The following BAZ2B variants were observed in gnomAD, a reference collection of about 807,000 sequenced individuals.
BAZ2B encodes bromodomain adjacent to zinc finger domain protein 2B.
In BAZ2B, 91 loss-of-function variants were observed where a neutral mutation model predicts 246.0. That is an observed-to-expected ratio of 0.37 (90% CI 0.31 to 0.44). The LOEUF is 0.44. Among genes scored for constraint, BAZ2B ranks in the 20% least tolerant of loss-of-function variants. The pLI is 1.00. For missense variants in BAZ2B, 2,332 were observed against 2,533.7 expected (o/e 0.92, Z 1.71); for synonymous variants, 855 against 860.0 (o/e 0.99, Z 0.10).
At chr2:159,523,111 T>A (rs898230082) in intron 2 of BAZ2B, among the ~76,000 whole-genome samples, 7 of 151,706 alleles carry the variant, frequency 4.6e-5, no homozygotes, top group Admixed American at 2.6e-4. Flanking sequence ...TACAAAAAAA[T>A]AAAATAATTA....
In BAZ2B at chr2:159,337,021, G is replaced by GCTT; in HGVS notation, c.5714_5716dup (p.Glu1905dup). ...CAGAGCTACCTGTGCAGCACTGCGA[G>GCTT]CTTCTGATAATGCCCTTCTCCATAC... On this transcript the variant is annotated inframe_insertion, in exon 33 of 37. Coordinates refer to ENST00000392783, the MANE Select transcript of BAZ2B (RefSeq NM_013450.4). 1 of 1,611,968 alleles carries GCTT rather than the reference G, an allele frequency of 6.2e-7. No homozygotes were observed. The highest frequency in any genetic ancestry group is 8.5e-7 in the Non-Finnish European group (1 of 1,178,082).
intron 13 of BAZ2B, chr2:159,419,633 T>C (rs1284361267): frequency 1.3e-5 from 2 of 152,198 alleles, no homozygotes. Flanking sequence ...GATACAACTG[T>C]TTCCACAATG....
At chr2:159,338,968 C>T (rs375359275) in intron 31 of BAZ2B, among the ~76,000 whole-genome samples, 19 of 151,948 alleles carry the variant, frequency 1.3e-4, no homozygotes, top group East Asian at 1.2e-3. Context: ...ATGGTAGGAA[C>T]GACACTTTAT....
chr2:159,548,512 T>C (rs937661764), intron 2 of BAZ2B, among the ~76,000 whole-genome samples: 7 of 131,900 alleles, frequency 5.3e-5, no homozygotes, highest in African/African-American at 1.5e-4. Flanking sequence ...AATGTAATGA[T>C]ATATCTTTTA....
At chr2:159,487,691 C>A (rs1317001610) in intron 2 of BAZ2B, among the ~76,000 whole-genome samples, 1 of 151,910 alleles carries the variant, frequency 6.6e-6, no homozygotes, top group Non-Finnish European at 1.5e-5. Flanking sequence ...ATCCACTATT[C>A]CCTTTCCAAG....
At chr2:159,501,214 TTATA>T (rs1349163135) in intron 2 of BAZ2B, among the ~76,000 whole-genome samples, 7 of 108,872 alleles carry the variant, frequency 6.4e-5, no homozygotes, top group African/African-American at 2.6e-4. Flanking sequence ...TTTATATATA[TTATA>T]TATATATTTA....
intron 2 of BAZ2B, among the ~76,000 whole-genome samples, chr2:159,510,917 T>A (rs1281255383): frequency 1.3e-5 from 2 of 152,162 alleles, no homozygotes; most frequent in African/African-American, 4.8e-5. Context: ...TCTGGTTTTT[T>A]TAATTACTGT....
At chr2:159,644,957 T>C in the BAZ2B span, among the ~76,000 whole-genome samples, 1 of 152,310 alleles carries the variant, frequency 6.6e-6, no homozygotes, top group East Asian at 1.9e-4. Flanking sequence ...GGACCTATGC[T>C]ATATTTTCAA....
At chr2:159,537,129 A>G (rs2086099153) in intron 2 of BAZ2B, among the ~76,000 whole-genome samples, 1 of 152,218 alleles carries the variant, frequency 6.6e-6, no homozygotes, top group Non-Finnish European at 1.5e-5. Context: ...CTTCAAGGAC[A>G]TGATACTAAG....
chr2:159,425,637 CAT>C (rs1304917798), intron 13 of BAZ2B, among the ~76,000 whole-genome samples: 2 of 152,198 alleles, frequency 1.3e-5, no homozygotes, highest in East Asian at 1.9e-4. Context: ...GTTTTTTAAA[CAT>C]GTTTCATCAT....
At chr2:159,535,700 C>G (rs911538164) in intron 2 of BAZ2B, among the ~76,000 whole-genome samples, 1 of 152,098 alleles carries the variant, frequency 6.6e-6, no homozygotes, top group South Asian at 2.1e-4. Context: ...TATAAAAATA[C>G]AACTTCAGAT....
At chr2:159,709,002 A>AT in the BAZ2B span, among the ~76,000 whole-genome samples, 1 of 152,310 alleles carries the variant, frequency 6.6e-6, no homozygotes, top group South Asian at 2.1e-4. Context: ...GAAAATAAAA[A>AT]TTTATAAAGG....
Position 159,389,125 on chromosome 2 carries a change from C to CCAAA in BAZ2B, c.3216+216_3216+219dup, listed in dbSNP as rs879439658. On this transcript the variant is annotated intron_variant, in intron 21 of 36. Transcript: ENST00000392783. ...ACCAACCAACCAACCAACCAACCAA[C>CCAAA]CAAACAAACAAACAAAAAAACCGCC... is the stretch of plus-strand genomic sequence containing the variant. 2.9e-3 allele frequency among the ~76,000 whole-genome samples: 434 copies of CCAAA among 149,284 alleles called. 2 individuals are homozygous for CCAAA. The highest frequency in any genetic ancestry group is 0.012 in the South Asian group (55 of 4,682).
chr2:159,498,967 A>C (rs1009461120), intron 2 of BAZ2B, among the ~76,000 whole-genome samples: 1 of 152,146 alleles, frequency 6.6e-6, no homozygotes, highest in African/African-American at 2.4e-5. Context: ...CCAAATACAT[A>C]ACAAAATACC....
chr2:159,412,574 A>G lies in BAZ2B; in HGVS notation c.2467-29T>C, dbSNP rs768735510. 49 of 1,563,612 alleles carry G rather than the reference A, an allele frequency of 3.1e-5. No individual in the cohort carries two copies. The Admixed American group carries it at 8.0e-4, about 26-fold the overall frequency. ...TTAATTAACATTTTATAGAAATAAT[A>G]TATTACAAACAAAATAAACACAAGA... On this transcript the variant is annotated intron_variant, in intron 13 of 36. Coordinates refer to ENST00000392783, the MANE Select transcript of BAZ2B (RefSeq NM_013450.4).
rs2075378774 is a variant in BAZ2B at position 159,453,793 on chromosome 2, A to C, written c.154T>G (p.Phe52Val). 3.1e-6 allele frequency: 5 copies of C among 1,594,344 alleles called. No individual in the cohort carries two copies. The highest frequency in any genetic ancestry group is 4.3e-6 in the Non-Finnish European group (5 of 1,169,520). The change falls in exon 4 of 37, where the codon TTC becomes GTC. Residue 52 changes from phenylalanine to valine, a missense_variant. By Grantham distance (50) the Phe-to-Val change is conservative. Coordinates refer to ENST00000392783, the MANE Select transcript of BAZ2B (RefSeq NM_013450.4). ...AACGGTTGATCCCCAGCTGTTCTGA[A>C]TAAATGTCCTGGGAGGGAAAAAAAC... The part of the protein sequence containing the change: ...SSTINPCGHL[F>V]RTAGDQPFNL...
chr2:159,553,024 A>C (rs888723104), intron 2 of BAZ2B, among the ~76,000 whole-genome samples: 1 of 152,236 alleles, frequency 6.6e-6, no homozygotes, highest in African/African-American at 2.4e-5. Flanking sequence ...GTGTGGAGCC[A>C]AAATGTGTAT....
intron 1 of BAZ2B, among the ~76,000 whole-genome samples, chr2:159,560,592 C>T (rs933962443): frequency 1.3e-5 from 2 of 149,568 alleles, no homozygotes; most frequent in Non-Finnish European, 1.5e-5. Flanking sequence ...TTTTTCGAGA[C>T]AGAGTCTTGC....
In BAZ2B at chr2:159,427,801, G is replaced by C. The variant is rs890311718; in HGVS notation, c.2466+140C>G. ...ACATAGTTAATTGAGGCCTTAATGAGTGCTTACCACAAAGTTATATGTATA... is the reference window on the plus strand; with the variant it reads ...ACATAGTTAATTGAGGCCTTAATGACTGCTTACCACAAAGTTATATGTATA... On this transcript the variant is annotated intron_variant, in intron 13 of 36. Transcript: ENST00000392783. The C allele has an allele frequency of 1.2e-5, 7 of 593,536 alleles. 1 individual carries two copies. Among genetic ancestry groups the C allele is most frequent in the Admixed American group, 1.0e-4 (3 of 29,630 alleles). The allele number at this position is 593,536 out of a possible 1,614,324, so 36.8% of individuals were successfully genotyped here.
Sources: gnomAD v4.1 joint callset for allele counts (sites outside exome capture counted in the v4.1 genomes callset) on GRCh38, gnomAD v4.1.1 for gene constraint, MANE v1.5 for transcripts, NCBI Gene and HGNC (gene_info 2026-07-23, HGNC 2026-07-21) for gene names.